ENPP1: variants seen among roughly 807,000 people sequenced by gnomAD.
ENPP1 encodes the protein ectonucleotide pyrophosphatase/phosphodiesterase family member 1.
In ENPP1, 73 loss-of-function variants were observed where a neutral mutation model predicts 122.8. The ratio of observed to expected loss-of-function variants is 0.59; its 90% confidence interval spans 0.49 to 0.72. ENPP1 has a LOEUF of 0.72. Ranked by LOEUF, ENPP1 falls within the 30% of genes least tolerant of loss-of-function variation. ENPP1 has a pLI of 0.00. For synonymous variants in ENPP1, 367 were observed against 391.6 expected (o/e 0.94, Z 0.74); for missense variants, 978 against 1,128.1 (o/e 0.87, Z 1.91).
intron 1 of ENPP1, chr6:131,819,938 TC>T: frequency 1.0e-5 from 5 of 497,362 alleles, no homozygotes; most frequent in Admixed American, 5.5e-5. Context: ...TTCCATAGCT[TC>T]TTTTTTTTTT....
At chr6:131,829,851 G>C (rs1241599631) in intron 1 of ENPP1, among the ~76,000 whole-genome samples, 1 of 152,186 alleles carries the variant, frequency 6.6e-6, no homozygotes, top group African/African-American at 2.4e-5. Context: ...GTCCCACCCG[G>C]AGCAGGGAGG....
At position 131,864,904 on chromosome 6, in the gene ENPP1, C is replaced by T; in HGVS notation, c.1130C>T (p.Ser377Phe). The T allele has an allele frequency of 1.2e-6, 2 of 1,606,450 alleles. No individual in the cohort carries two copies. The highest frequency in any genetic ancestry group is 1.7e-6 in the Non-Finnish European group (2 of 1,173,168). Residue 377 changes from serine (S) to phenylalanine (F), a missense_variant, in exon 11 of 25, where the codon TCT (serine) becomes TTT (phenylalanine). Physicochemically the swap from Ser to Phe is radical, Grantham distance 155 (BLOSUM62 -2). Transcript: ENST00000647893. ...FYTLYLEEPD[S>F]SGHSYGPVSS... is the part of the protein sequence containing the mutation. ...ACTCTGTATTTAGAAGAACCAGATT[C>T]TTCAGGTCATTCATATGGACCAGTC...
At chr6:131,859,455 G>A (rs907676348) in intron 7 of ENPP1, among the ~76,000 whole-genome samples, 2 of 151,018 alleles carry the variant, frequency 1.3e-5, no homozygotes, top group Admixed American at 6.6e-5. Flanking sequence ...GTGCGATCTC[G>A]GCTCACTGCA....
At chr6:131,872,804 A>G (rs890403832) in intron 14 of ENPP1, 119 bp from the exon 15 acceptor site, 1 of 1,013,554 alleles carries the variant, frequency 9.9e-7, no homozygotes, top group Non-Finnish European at 1.4e-6. Flanking sequence ...AGAAAAGTTG[A>G]CACTTTTTAT....
rs1585824067 is a variant in ENPP1 at position 131,861,584 on chromosome 6, T to C, written c.916-11T>C. On this transcript the variant is annotated splice_polypyrimidine_tract_variant and intron_variant, in intron 8 of 24. Coordinates refer to ENST00000647893, the MANE Select transcript of ENPP1 (RefSeq NM_006208.3). ...CATGATTTCTTAATTTTCCTTCATT[T>C]TCTGCTCCAGATTTGGGTCACAGCT... is the stretch of plus-strand genomic sequence containing the variant. 1 of 1,553,340 alleles carries C rather than the reference T, an allele frequency of 6.4e-7. No homozygotes were observed. Among genetic ancestry groups the C allele is most frequent in the East Asian group, 2.2e-5 (1 of 44,536 alleles).
chr6:131,879,988 A>G lies in ENPP1; in HGVS notation c.2054A>G (p.Gln685Arg), dbSNP rs1782280736. 1.2e-6 allele frequency: 2 copies of G among 1,614,156 alleles called. No homozygotes were observed. The highest frequency in any genetic ancestry group is 4.5e-5 in the East Asian group (2 of 44,880). ...CACCAGTTTATGAGTGGATACAGCC[A>G]AGACATCTTAATGCCCCTTTGGACA... ...SQHQFMSGYS[Q>R]DILMPLWTSY... Residue 685 changes from glutamine (Q) to arginine (R), a missense_variant, in exon 20 of 25, where the codon CAA (glutamine) becomes CGA (arginine). Gln to Arg is a conservative substitution (Grantham distance 43, BLOSUM62 1). Coordinates refer to ENST00000647893, the MANE Select transcript of ENPP1 (RefSeq NM_006208.3).
At chr6:131,875,248 A>G (rs1340046542) in intron 16 of ENPP1, among the ~76,000 whole-genome samples, 2 of 152,214 alleles carry the variant, frequency 1.3e-5, no homozygotes, top group Non-Finnish European at 2.9e-5. Context: ...TTCATGTTTC[A>G]TAAACATATG....
rs1250494940 is a variant in ENPP1 at position 131,864,647 on chromosome 6, CA to C, written c.1091+80del. On this transcript the variant is annotated intron_variant, in intron 10 of 24. Transcript: ENST00000647893. ...TATACTATTTTAAAATAGACTACAA[CA>C]AAACTTTGCTATTTGCTATGATGTT... 3.8e-6 allele frequency: 4 copies of C among 1,055,364 alleles called. No individual in the cohort carries two copies. The African/African-American group carries it at 6.4e-5, about 17-fold the overall frequency. The allele number at this position is 1,055,364 out of a possible 1,614,324, so 65.4% of individuals were successfully genotyped here.
intron 1 of ENPP1, among the ~76,000 whole-genome samples, chr6:131,808,749 G>A (rs1016136663): frequency 6.6e-6 from 1 of 152,126 alleles, no homozygotes; most frequent in African/African-American, 2.4e-5. Flanking sequence ...GGAACTCTAC[G>A]GAACACTTTT....
At chr6:131,867,616 A>G (rs1199042599) in intron 11 of ENPP1, among the ~76,000 whole-genome samples, 1 of 152,202 alleles carries the variant, frequency 6.6e-6, no homozygotes, top group Non-Finnish European at 1.5e-5. Context: ...ATGAAGTGGT[A>G]ATTAAGAACA....
intron 1 of ENPP1, chr6:131,827,955 G>T: frequency 1.1e-6 from 1 of 874,190 alleles, no homozygotes; most frequent in South Asian, 1.3e-5. Context: ...TATAAAGGAT[G>T]GCCACAAAAT....
chr6:131,878,071 C>T (rs529248843), intron 18 of ENPP1, among the ~76,000 whole-genome samples: 17 of 151,448 alleles, frequency 1.1e-4, no homozygotes, highest in Non-Finnish European at 1.9e-4. Flanking sequence ...TTGCAACTGT[C>T]ATTCCTCTCC....
intron 1 of ENPP1, among the ~76,000 whole-genome samples, chr6:131,829,421 A>G (rs2114668916): frequency 6.6e-6 from 1 of 152,312 alleles, no homozygotes; most frequent in African/African-American, 2.4e-5. Context: ...TTTTGCATCA[A>G]AGGGATTTGA....
chr6:131,882,251 T>C, intron 20 of ENPP1, 94 bp from the exon 21 acceptor site: 1 of 1,070,530 alleles, frequency 9.3e-7, no homozygotes, highest in East Asian at 2.7e-5. Context: ...TAGAGCTTCA[T>C]AATTTTATGA....
In ENPP1 at chr6:131,882,404, T is replaced by C. The variant is rs1405178157; in HGVS notation, c.2160T>C (p.Leu720=). Residue 720 remains leucine (L), a synonymous_variant, in exon 21 of 25, where the codon CTT becomes CTC. Transcript: ENST00000647893. ...TGTACCAGGACTTTAGAATTCCTCT[T>C]AGTCCTGTCCATAAATGTTCATTTT... ...NCLYQDFRIP[L]SPVHKCSFYK... The C allele has an allele frequency of 6.2e-7, 1 of 1,604,382 alleles. No individual in the cohort carries two copies. The highest frequency in any genetic ancestry group is 2.2e-5 in the East Asian group (1 of 44,602).
In ENPP1 at chr6:131,851,124, G is replaced by C. The variant is rs1485061569; in HGVS notation, c.431-18G>C. On this transcript the variant is annotated intron_variant, in intron 3 of 24. Transcript: ENST00000647893. ...GAATTTGAGACATAAAACACATTTT[G>C]CTGATGTTTGTTTCTAGAACATATA... 6.2e-7 allele frequency: 1 copy of C among 1,613,494 alleles called. No homozygotes were observed. The highest frequency in any genetic ancestry group is 1.7e-5 in the Admixed American group (1 of 59,996).
chr6:131,886,027 A>G (rs1240085225), intron 23 of ENPP1, among the ~76,000 whole-genome samples: 2 of 152,242 alleles, frequency 1.3e-5, no homozygotes, highest in African/African-American at 2.4e-5. Flanking sequence ...GAGAATGACT[A>G]TGAGGTAAAG....
chr6:131,870,774 T>A (rs1782151498), intron 13 of ENPP1, among the ~76,000 whole-genome samples: 1 of 152,148 alleles, frequency 6.6e-6, no homozygotes, highest in African/African-American at 2.4e-5. Context: ...ATAAAACCTG[T>A]TATAAAAACT....
intron 23 of ENPP1, 73 bp from the exon 24 acceptor site, chr6:131,886,485 AGCAT>A: frequency 2.8e-6 from 3 of 1,090,106 alleles, no homozygotes; most frequent in Non-Finnish European, 4.1e-6. Context: ...ATGTATTAAA[AGCAT>A]GCTCTACTGA....
Sources: allele counts gnomAD v4.1 joint callset (sites outside exome capture counted in the v4.1 genomes callset), GRCh38; gene constraint gnomAD v4.1.1; transcripts MANE v1.5; gene names NCBI Gene and HGNC (gene_info 2026-07-23, HGNC 2026-07-21).